Variants in MYOM2 observed in about 807,000 individuals in gnomAD.
MYOM2 encodes the protein myomesin 2, also known as myomesin-2.
Under a neutral mutation model 187.6 loss-of-function variants are expected in MYOM2, and 254 were observed. That is an observed-to-expected ratio of 1.35 (90% confidence interval 1.22 to 1.50). The LOEUF is 1.50. Among genes scored for constraint, MYOM2 ranks in the 40% most tolerant of loss-of-function variants. The probability of loss-of-function intolerance (pLI) is 0.00; values close to 1 mark genes in which losing one functional copy is unlikely to be tolerated. For synonymous variants in MYOM2, 981 were observed against 753.8 expected (o/e 1.30, Z -4.94); for missense variants, 2,796 against 1,924.0 (o/e 1.45, Z -8.48).
chr8:2,113,675 C>T (rs975983873), intron 25 of MYOM2, among the ~76,000 whole-genome samples: 3 of 152,302 alleles, frequency 2.0e-5, no homozygotes, highest in South Asian at 4.1e-4. Context: ...CAGGTCTGCA[C>T]TGGGAAGGAA....
At position 2,057,670 on chromosome 8, in the gene MYOM2, A is replaced by G. The variant is rs1448603698; in HGVS notation, c.450A>G (p.Ile150Met). The G allele has an allele frequency of 1.2e-6, 2 of 1,614,098 alleles. No homozygotes were observed. The highest frequency in any genetic ancestry group is 1.7e-6 in the Non-Finnish European group (2 of 1,180,018). Residue 150 changes from isoleucine (I) to methionine (M), a missense_variant, in exon 5 of 37, where the codon ATA (isoleucine) becomes ATG (methionine). Physicochemically the swap from Ile to Met is conservative, Grantham distance 10 (BLOSUM62 1). Coordinates refer to ENST00000262113, the MANE Select transcript of MYOM2 (RefSeq NM_003970.4). ...AGAGACACACATTTGAAGAGCGGAT[A>G]AGCAGGGCTCCTGAGATCCTGGTGC... is the stretch of plus-strand genomic sequence containing the variant. ...AWERHTFEER[I>M]SRAPEILVRL...
intron 18 of MYOM2, chr8:2,097,078 T>G (rs7460985): frequency 1.0e-6 from 1 of 970,562 alleles, no homozygotes. Flanking sequence ...CCGTCCGGAC[T>G]GTGGGGAGCC....
At chr8:2,111,643 T>C (rs1429556904) in intron 25 of MYOM2, among the ~76,000 whole-genome samples, 1 of 152,178 alleles carries the variant, frequency 6.6e-6, no homozygotes, top group Non-Finnish European at 1.5e-5. Flanking sequence ...GGACGGTGTA[T>C]CCACTGGAAT....
chr8:2,129,793 C>A (rs1372007267), intron 32 of MYOM2, among the ~76,000 whole-genome samples: 1 of 152,166 alleles, frequency 6.6e-6, no homozygotes, highest in East Asian at 1.9e-4. Context: ...TGCTGCCCTG[C>A]CTCTGGGTTC....
In MYOM2 at chr8:2,098,946, G is replaced by A. The variant is rs758061651; in HGVS notation, c.2403G>A (p.Glu801=). Residue 801 remains glutamate (E), a synonymous_variant, in exon 19 of 37, where the codon GAG becomes GAA. Transcript: ENST00000262113. ...AGIGEPSDPS[E]HFKCEAWTMP... ...TCGGGGAGCCCTCAGATCCCAGTGA[G>A]CACTTCAAGTGTGAGGCCTGGACCA... 9 of 1,613,482 alleles carry A rather than the reference G, an allele frequency of 5.6e-6. No individual in the cohort carries two copies. Among genetic ancestry groups the A allele is most frequent in the East Asian group, 4.5e-5 (2 of 44,884 alleles).
chr8:2,123,886 C>T (rs184025813), intron 30 of MYOM2, among the ~76,000 whole-genome samples: 1 of 152,302 alleles, frequency 6.6e-6, no homozygotes, highest in East Asian at 1.9e-4. Context: ...CATCAGAAGC[C>T]AAGCAACGCA....
intron 28 of MYOM2, among the ~76,000 whole-genome samples, chr8:2,121,409 G>A (rs566661437): frequency 7.2e-5 from 11 of 152,228 alleles, no homozygotes; most frequent in South Asian, 2.1e-4. Context: ...GGATAGAACC[G>A]TCTATAAATA....
intron 17 of MYOM2, among the ~76,000 whole-genome samples, chr8:2,095,183 C>T (rs149354302): frequency 7.2e-5 from 11 of 152,244 alleles, no homozygotes; most frequent in African/African-American, 2.2e-4. Context: ...GGTACAATAG[C>T]GCTGACTCTT....
chr8:2,102,557 G>A, intron 20 of MYOM2, 110 bp from the exon 21 acceptor site: 2 of 596,608 alleles, frequency 3.4e-6, no homozygotes, highest in South Asian at 5.6e-5. Context: ...TTTCCTAACT[G>A]GAAAAATAAG....
intron 13 of MYOM2, among the ~76,000 whole-genome samples, chr8:2,084,633 A>T (rs574731601): frequency 6.6e-6 from 1 of 152,372 alleles, no homozygotes; most frequent in African/African-American, 2.4e-5. Context: ...AGAGAGGCAT[A>T]TGGAGCATCT....
intron 28 of MYOM2, chr8:2,119,577 G>T (rs1310846040): frequency 6.5e-6 from 1 of 152,686 alleles, no homozygotes; most frequent in Non-Finnish European, 1.5e-5. Flanking sequence ...TACGTGGTGG[G>T]CTGAGGAGAT....
At chr8:2,128,848 GC>G (rs1797749258) in intron 31 of MYOM2, among the ~76,000 whole-genome samples, 1 of 152,206 alleles carries the variant, frequency 6.6e-6, no homozygotes, top group Non-Finnish European at 1.5e-5. Flanking sequence ...AAGCAAAGCT[GC>G]TGAGGGGCAG....
intron 6 of MYOM2, among the ~76,000 whole-genome samples, chr8:2,064,868 G>C (rs1206297906): frequency 1.3e-5 from 2 of 152,138 alleles, no homozygotes; most frequent in East Asian, 3.9e-4. Flanking sequence ...ACCCCTCCCA[G>C]CTATCCCCTG....
chr8:2,137,832 G>C (rs978270547), intron 32 of MYOM2, among the ~76,000 whole-genome samples: 1 of 152,148 alleles, frequency 6.6e-6, no homozygotes, highest in Non-Finnish European at 1.5e-5. Flanking sequence ...AGTGCATCCA[G>C]GGGGATAAAG....
intron 1 of MYOM2, among the ~76,000 whole-genome samples, chr8:2,050,111 G>A (rs185755680): frequency 7.9e-5 from 12 of 152,118 alleles, no homozygotes; most frequent in Non-Finnish European, 1.2e-4. Flanking sequence ...GCAGACACCC[G>A]CCACCTCCGC....
chr8:2,106,672 GACTT>G, intron 23 of MYOM2, 75 bp downstream of exon 23: 1 of 1,102,946 alleles, frequency 9.1e-7, no homozygotes, highest in Non-Finnish European at 1.3e-6. Flanking sequence ...ACATAGAAAA[GACTT>G]ACTTGCTTAG....
intron 10 of MYOM2, among the ~76,000 whole-genome samples, chr8:2,074,005 G>A (rs758653511): frequency 6.6e-6 from 1 of 152,192 alleles, no homozygotes; most frequent in Non-Finnish European, 1.5e-5. Context: ...TAAGACACTT[G>A]TGGCCATGAC....
chr8:2,082,845 C>G (rs373046857), intron 13 of MYOM2, among the ~76,000 whole-genome samples: 1 of 152,188 alleles, frequency 6.6e-6, no homozygotes, highest in Non-Finnish European at 1.5e-5. Flanking sequence ...TTCTGTCAAA[C>G]CTAAAATAAA....
chr8:2,124,229 C>A lies in MYOM2; in HGVS notation c.3694+12C>A. On this transcript the variant is annotated intron_variant, in intron 31 of 36. Coordinates refer to ENST00000262113, the MANE Select transcript of MYOM2 (RefSeq NM_003970.4). ...GAGTAGAGTCTGTGGTAAGTAAATGCCTTTTAATTTTCAAGTCATTTGGGG... is the reference window on the plus strand; with the variant it reads ...GAGTAGAGTCTGTGGTAAGTAAATGACTTTTAATTTTCAAGTCATTTGGGG... 4 of 1,608,832 alleles carry A rather than the reference C, an allele frequency of 2.5e-6. No homozygotes were observed. The highest frequency in any genetic ancestry group is 3.4e-6 in the Non-Finnish European group (4 of 1,176,216).
Sources: allele counts gnomAD v4.1 joint callset (sites outside exome capture counted in the v4.1 genomes callset), GRCh38; gene constraint gnomAD v4.1.1; transcripts MANE v1.5; gene names NCBI Gene and HGNC (gene_info 2026-07-23, HGNC 2026-07-21).